The following BOK variants were observed in gnomAD, a reference collection of about 807,000 sequenced individuals.
BOK encodes the protein bcl-2-related ovarian killer protein.
BOK carries 20 observed loss-of-function variants against 18.3 expected under a neutral mutation model. The observed-to-expected ratio is 1.09, with a 90% CI of 0.77 to 1.59. The LOEUF is 1.59. Among genes scored for constraint, BOK ranks in the 40% most tolerant of loss-of-function variants. The probability of loss-of-function intolerance (pLI) is 0.00; values close to 1 mark genes in which losing one functional copy is unlikely to be tolerated. For missense variants in BOK, 348 were observed against 307.9 expected (o/e 1.13, Z -0.97); for synonymous variants, 173 against 142.4 (o/e 1.21, Z -1.53).
intron 3 of BOK, among the ~76,000 whole-genome samples, chr2:241,563,520 G>A (rs2125048894): frequency 6.6e-6 from 1 of 152,322 alleles, no homozygotes; most frequent in East Asian, 1.9e-4. Flanking sequence ...GCACAGCTCT[G>A]GGCCAGTGAA....
chr2:241,564,615 C>T (rs1331819745), intron 3 of BOK, among the ~76,000 whole-genome samples: 5 of 152,114 alleles, frequency 3.3e-5, no homozygotes, highest in African/African-American at 2.4e-5. Flanking sequence ...GCAGCGGAAG[C>T]ATGGTGGCAG....
At position 241,558,936 on chromosome 2, in the gene BOK, GC is replaced by G. The variant is rs1381236137; in HGVS notation, c.-86del. The G allele has an allele frequency of 1.3e-5, 2 of 151,814 alleles. No homozygotes were observed. The highest frequency in any genetic ancestry group is 2.9e-5 in the Non-Finnish European group (2 of 67,890). The allele number at this position is 151,814 out of a possible 1,614,324, so 9.4% of individuals were successfully genotyped here. A position where few individuals can be genotyped will look rare whatever the true frequency, so the allele number is the denominator to read the frequency against. ...GGAAGGGTCGAGGTCGTCGTCGGCG[GC>G]GAGCAGATCCTGAAGCCAGAACTCC... On this transcript the variant is annotated 5_prime_UTR_variant, in exon 1 of 5. The change abolishes the stop of an existing upstream ORF in the 5' untranslated region. Coordinates refer to ENST00000318407, the MANE Select transcript of BOK (RefSeq NM_032515.5).
chr2:241,552,840 C>T (rs1486138191), intron 1 of BOK, among the ~76,000 whole-genome samples: 2 of 152,236 alleles, frequency 1.3e-5, no homozygotes, highest in Non-Finnish European at 2.9e-5. Context: ...TGGGCAGGTA[C>T]TGCCCTCCTC....
intron 2 of BOK, chr2:241,560,043 G>A (rs2066503328): frequency 1.0e-6 from 1 of 981,652 alleles, no homozygotes; most frequent in Non-Finnish European, 1.2e-6. Context: ...GTAGGAGCAC[G>A]TGTCCCGATG....
At chr2:241,556,580 T>C (rs1251214966), upstream of BOK, among the ~76,000 whole-genome samples, 1 of 21,746 alleles carries the variant, frequency 4.6e-5, no homozygotes, top group Non-Finnish European at 6.5e-5. Flanking sequence ...AGACTCCGTC[T>C]CAAAAAAAAA....
intron 4 of BOK, among the ~76,000 whole-genome samples, chr2:241,571,210 G>A (rs955451740): frequency 6.0e-5 from 9 of 148,846 alleles, no homozygotes; most frequent in African/African-American, 1.7e-4. Flanking sequence ...CCCAGCCCCC[G>A]CCCTCCCGAG....
rs201711208 is a variant in BOK at position 241,558,825 on chromosome 2, GGGAAGCCCCGT to G, written c.-194_-184del. 10,777 of 152,222 alleles carry G rather than the reference GGGAAGCCCCGT, an allele frequency of 0.071. 513 individuals carry two copies. The highest frequency in any genetic ancestry group is 0.18 in the South Asian group (869 of 4,832). 9.4% of individuals were successfully genotyped at this position (152,222 alleles called of 1,614,324 possible). A position where few individuals can be genotyped will look rare whatever the true frequency, so the allele number is the denominator to read the frequency against. On this transcript the variant is annotated 5_prime_UTR_variant, in exon 1 of 5. Transcript: ENST00000318407. ...CGCGGCAGGAGCCCCCCAAGAGCGCGGGAAGCCCCGTGGACCTGGCGCTCCCGGCTCGGGCG... is the reference window on the plus strand; with the variant it reads ...CGCGGCAGGAGCCCCCCAAGAGCGCGGGACCTGGCGCTCCCGGCTCGGGCG...
intron 3 of BOK, among the ~76,000 whole-genome samples, chr2:241,568,488 G>T (rs966677756): frequency 2.0e-5 from 3 of 151,494 alleles, no homozygotes; most frequent in Non-Finnish European, 4.4e-5. Flanking sequence ...TGCGATCTGG[G>T]CTCACTGAAA....
intron 3 of BOK, among the ~76,000 whole-genome samples, chr2:241,563,091 T>C (rs2066556696): frequency 6.6e-6 from 1 of 152,098 alleles, no homozygotes; most frequent in Non-Finnish European, 1.5e-5. Flanking sequence ...TGTGCCTGCC[T>C]CACCTGTGAC....
chr2:241,562,381 A>G lies in BOK; in HGVS notation c.254A>G (p.Tyr85Cys). Reference sequence around the variant, plus strand: ...CTGGAGATGATCCGGCCCAGCGTCTACCGCAACGTGGCGCGTCAGCTGCAC... The same window carrying G: ...CTGGAGATGATCCGGCCCAGCGTCTGCCGCAACGTGGCGCGTCAGCTGCAC... ...DELEMIRPSV[Y>C]RNVARQLHIS... The change falls in exon 3 of 5, where the codon TAC becomes TGC. Residue 85 changes from tyrosine to cysteine, a missense_variant. Tyr to Cys is a radical substitution (Grantham distance 194). Transcript: ENST00000318407. This position sits in a 1 kb window ranked among gnomAD's most constrained non-coding sequence, Gnocchi z 4.5. 4.3e-6 allele frequency: 7 copies of G among 1,611,526 alleles called. No homozygotes were observed. The highest frequency in any genetic ancestry group is 5.9e-6 in the Non-Finnish European group (7 of 1,179,608).
intron 3 of BOK, among the ~76,000 whole-genome samples, chr2:241,566,051 G>A (rs2066606257): frequency 6.6e-6 from 1 of 152,010 alleles, no homozygotes; most frequent in Admixed American, 6.5e-5. Context: ...TTGGGAGGCC[G>A]AGGTGGGTGG....
upstream of BOK, among the ~76,000 whole-genome samples, chr2:241,557,308 C>CTTTTTTT (rs59048690): frequency 1.6e-5 from 2 of 126,744 alleles, no homozygotes; most frequent in African/African-American, 2.9e-5. Flanking sequence ...TTTCTTTTTC[C>CTTTTTTT]TTTTTTTTTT....
chr2:241,556,441 G>A (rs992943315), upstream of BOK, among the ~76,000 whole-genome samples: 14 of 152,122 alleles, frequency 9.2e-5, no homozygotes, highest in Admixed American at 2.0e-4. Flanking sequence ...ACAATTAGCC[G>A]GGCGTGGTGT....
rs115116057 is a variant in BOK, at chr2:241,567,063, C to T, written c.350-3062C>T. 6.0e-3 allele frequency among the ~76,000 whole-genome samples: 804 copies of T among 133,624 alleles called. 188 individuals are homozygous for T. The highest frequency in any genetic ancestry group is 0.022 in the African/African-American group (756 of 34,004). The allele number at this position is 133,624 out of a possible 152,430, so 87.7% of individuals were successfully genotyped here. On this transcript the variant is annotated intron_variant, in intron 3 of 4. Transcript: ENST00000318407. ...CAGTGGACGCCGAGGCTGGTGCCTC[C>T]GGACTCCTGTCTTCCTGTCTTTCTT... is the stretch of plus-strand genomic sequence containing the variant.
intron 1 of BOK, among the ~76,000 whole-genome samples, chr2:241,552,799 T>C (rs995580670): frequency 6.6e-6 from 1 of 152,168 alleles, no homozygotes; most frequent in Non-Finnish European, 1.5e-5. Context: ...GGATCACCAC[T>C]GGGAAGAAGC....
chr2:241,553,944 T>A (rs1370045546), upstream of BOK, among the ~76,000 whole-genome samples: 1 of 152,190 alleles, frequency 6.6e-6, no homozygotes, highest in Non-Finnish European at 1.5e-5. Context: ...CACTCCATGC[T>A]AGGGGTAGAG....
intron 3 of BOK, among the ~76,000 whole-genome samples, chr2:241,563,306 C>T (rs1381711265): frequency 6.6e-6 from 1 of 152,214 alleles, no homozygotes; most frequent in African/African-American, 2.4e-5. Context: ...CCCATGTCAT[C>T]AGGTCTGGCC....
At chr2:241,563,759 G>A (rs931878106) in intron 3 of BOK, among the ~76,000 whole-genome samples, 5 of 152,224 alleles carry the variant, frequency 3.3e-5, no homozygotes, top group Non-Finnish European at 5.9e-5. Flanking sequence ...GGCATCAGGC[G>A]CCAGAGGAAG....
chr2:241,558,077 A>ACACACACACACACACACACACT (rs1238082159), upstream of BOK, among the ~76,000 whole-genome samples: 1 of 151,378 alleles, frequency 6.6e-6, no homozygotes, highest in African/African-American at 2.4e-5. Flanking sequence ...ACACACACAC[A>ACACACACACACACACACACACT]CTCTTCAGCT....
Sources: gnomAD v4.1 joint callset for allele counts (sites outside exome capture counted in the v4.1 genomes callset) on GRCh38, gnomAD v4.1.1 for gene constraint, Gnocchi (gnomAD v3.1) non-coding constraint, MANE v1.5 for transcripts, NCBI Gene and HGNC (gene_info 2026-07-23, HGNC 2026-07-21) for gene names.